Variants in IQCJ observed in about 807,000 individuals in gnomAD.
IQCJ encodes IQ motif containing J.
IQCJ carries 9 observed loss-of-function variants against 11.0 expected under a neutral mutation model. That is an observed-to-expected ratio of 0.82 (90% CI 0.49 to 1.43). The LOEUF (loss-of-function observed/expected upper bound fraction) is 1.43, where lower values mean the gene tolerates loss of function less well. Ranked by LOEUF, IQCJ falls within the 40% of genes most tolerant of loss-of-function variation. The pLI is 0.00. For missense variants in IQCJ, 146 were observed against 133.2 expected, an observed-to-expected ratio of 1.10 and a Z score of -0.47; for synonymous variants, 55 against 51.3, an observed-to-expected ratio of 1.07 and a Z score of -0.31.
intron 1 of IQCJ, among the ~76,000 whole-genome samples, chr3:159,185,355 G>A (rs1723316421): frequency 6.6e-6 from 1 of 152,070 alleles, no homozygotes; most frequent in African/African-American, 2.4e-5. Flanking sequence ...TTTCTAAAAT[G>A]TAGTAATAGT....
intron 1 of IQCJ, among the ~76,000 whole-genome samples, chr3:159,166,016 C>G (rs1213104956): frequency 6.6e-6 from 1 of 151,922 alleles, no homozygotes; most frequent in Admixed American, 6.6e-5. Flanking sequence ...ATTTGAGTCG[C>G]TGGCTCATTT....
At chr3:159,196,929 A>G (rs962273649) in intron 1 of IQCJ, among the ~76,000 whole-genome samples, 5 of 152,082 alleles carry the variant, frequency 3.3e-5, no homozygotes, top group Non-Finnish European at 7.4e-5. Context: ...TATGTGCCAA[A>G]CTAAACTCCT....
intron 2 of IQCJ, 86 bp from the exon 3 acceptor site, chr3:159,252,641 A>T: frequency 8.6e-7 from 1 of 1,168,712 alleles, no homozygotes; most frequent in African/African-American, 1.6e-5. Context: ...ATCTTATTTT[A>T]CACATAAGTA....
chr3:159,243,284 C>G (rs1402732542), intron 1 of IQCJ, among the ~76,000 whole-genome samples: 1 of 151,964 alleles, frequency 6.6e-6, no homozygotes, highest in Non-Finnish European at 1.5e-5. Flanking sequence ...AACACACTTG[C>G]ACAACAGACT....
chr3:159,187,719 G>C (rs1723452567), intron 1 of IQCJ, among the ~76,000 whole-genome samples: 1 of 152,204 alleles, frequency 6.6e-6, no homozygotes, highest in African/African-American at 2.4e-5. Flanking sequence ...AGTTCCCTTT[G>C]GATGTGAGCT....
At chr3:159,244,771 T>C (rs966645775) in intron 1 of IQCJ, among the ~76,000 whole-genome samples, 2 of 152,132 alleles carry the variant, frequency 1.3e-5, no homozygotes, top group Non-Finnish European at 2.9e-5. Context: ...TCTAGGAGAC[T>C]TGGGTGTCTG....
chr3:159,220,266 T>C (rs996268954), intron 1 of IQCJ, among the ~76,000 whole-genome samples: 1 of 152,128 alleles, frequency 6.6e-6, no homozygotes, highest in African/African-American at 2.4e-5. Flanking sequence ...AATTCATATG[T>C]TGAAGCCCTA....
At chr3:159,235,803 G>A (rs1010385873) in intron 1 of IQCJ, among the ~76,000 whole-genome samples, 3 of 152,176 alleles carry the variant, frequency 2.0e-5, no homozygotes, top group Non-Finnish European at 4.4e-5. Context: ...GTTTATGAAC[G>A]TAGTCTGGTT....
chr3:159,089,322 A>T (rs1717055812), intron 1 of IQCJ, among the ~76,000 whole-genome samples: 1 of 152,032 alleles, frequency 6.6e-6, no homozygotes, highest in African/African-American at 2.4e-5. Flanking sequence ...TTTGAGGATA[A>T]CCTGACCTTT....
chr3:159,198,309 G>T (rs537682481), intron 1 of IQCJ, among the ~76,000 whole-genome samples: 4 of 152,098 alleles, frequency 2.6e-5, no homozygotes, highest in Non-Finnish European at 5.9e-5. Flanking sequence ...AAGAAGAAGG[G>T]AGAAAATAAT....
intron 1 of IQCJ, among the ~76,000 whole-genome samples, chr3:159,144,035 T>C (rs924622518): frequency 2.0e-5 from 3 of 152,172 alleles, no homozygotes; most frequent in African/African-American, 7.2e-5. Context: ...AGCATACTAA[T>C]CGATTCATGA....
chr3:159,119,445 A>G (rs1407135226), intron 1 of IQCJ, among the ~76,000 whole-genome samples: 10 of 152,234 alleles, frequency 6.6e-5, no homozygotes, highest in African/African-American at 2.4e-4. Flanking sequence ...TAAACGGTCC[A>G]CAAATGTTGA....
At chr3:159,167,122 A>G (rs1722213704) in intron 1 of IQCJ, among the ~76,000 whole-genome samples, 1 of 152,210 alleles carries the variant, frequency 6.6e-6, no homozygotes, top group Non-Finnish European at 1.5e-5. Context: ...CTCACCCAAC[A>G]TTCCTGTTGC....
intron 1 of IQCJ, among the ~76,000 whole-genome samples, chr3:159,212,275 T>C (rs1724998006): frequency 1.3e-5 from 2 of 152,102 alleles, no homozygotes; most frequent in South Asian, 4.1e-4. Flanking sequence ...GTAGAGTACT[T>C]GTGTTTGAGT....
chr3:159,199,766 C>A (rs1044920923), intron 1 of IQCJ, among the ~76,000 whole-genome samples: 6 of 151,822 alleles, frequency 4.0e-5, no homozygotes, highest in Non-Finnish European at 7.4e-5. Context: ...TACTGGGTCA[C>A]AATGGTCTAA....
At chr3:159,195,175 C>T (rs543496918) in intron 1 of IQCJ, among the ~76,000 whole-genome samples, 96 of 152,164 alleles carry the variant, frequency 6.3e-4, no homozygotes, top group Non-Finnish European at 1.0e-3. Context: ...CTTAATTCAA[C>T]CTCATTTGTA....
chr3:159,260,133 C>T (rs1350097119), intron 3 of IQCJ, among the ~76,000 whole-genome samples: 2 of 152,068 alleles, frequency 1.3e-5, no homozygotes, highest in African/African-American at 4.8e-5. Flanking sequence ...AACTGGTATG[C>T]CAATTTCCAA....
chr3:159,237,074 A>T (rs1487169128), intron 1 of IQCJ, among the ~76,000 whole-genome samples: 1 of 152,244 alleles, frequency 6.6e-6, no homozygotes, highest in African/African-American at 2.4e-5. Context: ...TTGTTTTCAC[A>T]TTTTAAGTTA....
intron 1 of IQCJ, among the ~76,000 whole-genome samples, chr3:159,223,174 G>T (rs911062058): frequency 6.6e-6 from 1 of 152,092 alleles, no homozygotes; most frequent in Non-Finnish European, 1.5e-5. Flanking sequence ...TGAGGAATTT[G>T]CTAGAGACTA....
Sources: gnomAD v4.1 joint callset for allele counts (sites outside exome capture counted in the v4.1 genomes callset) on GRCh38, gnomAD v4.1.1 for gene constraint, MANE v1.5 for transcripts, NCBI Gene and HGNC (gene_info 2026-07-23, HGNC 2026-07-21) for gene names.